The following TMEM70 variants were observed in gnomAD, a reference collection of about 807,000 sequenced individuals.
TMEM70 encodes the protein transmembrane protein 70, mitochondrial.
A neutral mutation model predicts 20.5 loss-of-function variants in TMEM70; 15 were observed. The observed-to-expected ratio is 0.73, with a 90% CI of 0.49 to 1.13. The LOEUF is 1.13. Among genes scored for constraint, TMEM70 ranks in the 50% most tolerant of loss-of-function variants. The pLI, the probability that TMEM70 is intolerant of heterozygous loss-of-function variation, is 0.00. For synonymous variants in TMEM70, 141 were observed against 134.2 expected, an observed-to-expected ratio of 1.05 and a Z score of -0.35; for missense variants, 344 against 331.7, an observed-to-expected ratio of 1.04 and a Z score of -0.29.
chr8:73,978,925 T>C (rs1382744364), intron 2 of TMEM70, 64 bp downstream of exon 2: 9 of 1,573,498 alleles, frequency 5.7e-6, no homozygotes, highest in Non-Finnish European at 7.8e-6. Flanking sequence ...AAAATATCCT[T>C]ACCATATCTT....
In TMEM70 at chr8:73,981,056, G is replaced by A. The variant is rs1815779868; in HGVS notation, c.317-99G>A. On this transcript the variant is annotated intron_variant, in intron 2 of 2. Transcript: ENST00000312184. ...TTATGGTTTGATTTTGTTGTCTTGA[G>A]CTGATACAGTAAGAAGAAAAATGGA... is the stretch of plus-strand genomic sequence containing the variant. 6 of 986,636 alleles carry A rather than the reference G, an allele frequency of 6.1e-6. No homozygotes were observed. In the South Asian group the frequency reaches 8.3e-5, roughly 14 times the overall value. 61.1% of individuals were successfully genotyped at this position (986,636 alleles called of 1,614,324 possible).
chr8:73,976,732 G>A (rs1815660243), intron 1 of TMEM70, among the ~76,000 whole-genome samples: 1 of 152,252 alleles, frequency 6.6e-6, no homozygotes, highest in Admixed American at 6.5e-5. Flanking sequence ...AAATCCAGAG[G>A]GTTTGTGGTG....
In TMEM70 at chr8:73,981,179, C is replaced by T. The variant is rs760669698; in HGVS notation, c.341C>T (p.Thr114Met). 38 of 1,613,850 alleles carry T rather than the reference C, an allele frequency of 2.4e-5. No individual in the cohort carries two copies. In the Admixed American group the frequency reaches 4.0e-4, roughly 17 times the overall value. The change falls in exon 3 of 3, where the codon ACG (threonine) becomes ATG (methionine). Residue 114 changes from threonine (T) to methionine (M), a missense_variant. Thr to Met is a moderately conservative substitution (Grantham distance 81). Transcript: ENST00000312184. ...GGTGTGAAATGTTTCTCTTATTCTA[C>T]GAGTCTGATTGGCCTTACATTTCTG... ...VFGVKCFSYS[T>M]SLIGLTFLPY...
chr8:73,976,434 C>T lies in TMEM70; in HGVS notation c.153C>T (p.Gly51=), dbSNP rs562374948. ...SSSGPSGPVA[G]WSTGPSGAAR... is the part of the protein sequence containing the mutation. Reference sequence around the variant, plus strand: ...GCGGGCCTTCGGGGCCGGTAGCCGGCTGGAGTACGGGGCCTTCGGGAGCCG... The same window carrying T: ...GCGGGCCTTCGGGGCCGGTAGCCGGTTGGAGTACGGGGCCTTCGGGAGCCG... The change falls in exon 1 of 3, where the codon GGC becomes GGT. Residue 51 remains glycine, a synonymous_variant. Coordinates refer to ENST00000312184, the MANE Select transcript of TMEM70 (RefSeq NM_017866.6). 5.1e-6 allele frequency: 8 copies of T among 1,572,214 alleles called. No individual in the cohort carries two copies. The East Asian group carries it at 6.9e-5, about 14-fold the overall frequency.
At chr8:73,979,157 CT>C in intron 2 of TMEM70, 1 of 485,012 alleles carries the variant, frequency 2.1e-6, no homozygotes, top group South Asian at 1.6e-5. Flanking sequence ...GCTCAGCCTC[CT>C]GCTGGGATTA....
At position 73,976,224 on chromosome 8, in the gene TMEM70, G is replaced by A. The variant is rs1815636999; in HGVS notation, c.-58G>A. 1.3e-6 allele frequency: 2 copies of A among 1,494,200 alleles called. No homozygotes were observed. Among genetic ancestry groups the A allele is most frequent in the African/African-American group, 1.4e-5 (1 of 72,782 alleles). 92.6% of individuals were successfully genotyped at this position (1,494,200 alleles called of 1,614,324 possible). ...GTGCGGCAGTCGGGTGGGAAGCCGTGTCTCGCAGTCGTGGACTCGTGCAGC... is the reference window on the plus strand; with the variant it reads ...GTGCGGCAGTCGGGTGGGAAGCCGTATCTCGCAGTCGTGGACTCGTGCAGC... On this transcript the variant is annotated 5_prime_UTR_variant, in exon 1 of 3. Coordinates refer to ENST00000312184, the MANE Select transcript of TMEM70 (RefSeq NM_017866.6).
At position 73,981,919 on chromosome 8, in the gene TMEM70, G is replaced by C. The variant is rs985546601; in HGVS notation, c.*298G>C. ...GGGGATCTGATGTCAGTAGCAAATG[G>C]GAGAGTTGCTTTATTCTTTGTGTAT... On this transcript the variant is annotated 3_prime_UTR_variant, in exon 3 of 3. Coordinates refer to ENST00000312184, the MANE Select transcript of TMEM70 (RefSeq NM_017866.6). 1 of 530,494 alleles carries C rather than the reference G, an allele frequency of 1.9e-6. No homozygotes were observed. 32.9% of individuals were successfully genotyped at this position (530,494 alleles called of 1,614,324 possible).
At chr8:73,979,770 C>T (rs1452300799) in intron 2 of TMEM70, among the ~76,000 whole-genome samples, 1 of 151,826 alleles carries the variant, frequency 6.6e-6, no homozygotes, top group African/African-American at 2.4e-5. Context: ...CTACACCTGG[C>T]TGATTTTTTT....
intron 1 of TMEM70, 59 bp downstream of exon 1, chr8:73,976,550 G>A (rs1248537601): frequency 7.0e-7 from 1 of 1,419,940 alleles, no homozygotes; most frequent in Non-Finnish European, 9.3e-7. Flanking sequence ...GTCGTGTCGG[G>A]CCTGGGGAGC....
intron 2 of TMEM70, among the ~76,000 whole-genome samples, chr8:73,980,678 T>G (rs954070315): frequency 3.9e-5 from 6 of 152,190 alleles, no homozygotes; most frequent in Admixed American, 1.3e-4. Context: ...GTCCGATATG[T>G]TTTTTAACCA....
chr8:73,978,949 G>A (rs561733774), intron 2 of TMEM70, 88 bp downstream of exon 2: 22 of 1,497,676 alleles, frequency 1.5e-5, no homozygotes, highest in African/African-American at 8.4e-5. Context: ...TGTTGTTATG[G>A]CATCCCTTAA....
rs928358741 is a variant in TMEM70 at position 73,976,502 on chromosome 8, C to G, written c.210+11C>G. The stretch of plus-strand genomic sequence containing the variant: ...CCGGGTCGAGCGCAGGTAGGGCGTC[C>G]GAGGTCTGGTGTCCCAAGTGAGGCG... On this transcript the variant is annotated intron_variant, in intron 1 of 2. Transcript: ENST00000312184. 8.6e-6 allele frequency: 13 copies of G among 1,514,520 alleles called. No individual in the cohort carries two copies. Among genetic ancestry groups the G allele is most frequent in the Non-Finnish European group, 1.1e-5 (13 of 1,136,244 alleles). 93.8% of individuals were successfully genotyped at this position (1,514,520 alleles called of 1,614,324 possible). A position where few individuals can be genotyped will look rare whatever the true frequency, so the allele number is the denominator to read the frequency against.
Position 73,976,443 on chromosome 8 carries a change from G to A in TMEM70, c.162G>A (p.Thr54=). 1 of 1,561,546 alleles carries A rather than the reference G, an allele frequency of 6.4e-7. No homozygotes were observed. The highest frequency in any genetic ancestry group is 2.3e-5 in the East Asian group (1 of 42,948). The stretch of plus-strand genomic sequence containing the variant: ...CGGGGCCGGTAGCCGGCTGGAGTAC[G>A]GGGCCTTCGGGAGCCGCGCGCCTTC... ...GPSGPVAGWS[T]GPSGAARLLR... is the part of the protein sequence containing the mutation. The change falls in exon 1 of 3, where the codon ACG becomes ACA. Residue 54 remains threonine, a synonymous_variant. Transcript: ENST00000312184.
In TMEM70 at chr8:73,982,577, T is replaced by C. The variant is rs978510622; in HGVS notation, c.*956T>C. On this transcript the variant is annotated 3_prime_UTR_variant, in exon 3 of 3. Coordinates refer to ENST00000312184, the MANE Select transcript of TMEM70 (RefSeq NM_017866.6). ...TTATGGGAGCAGTTTTAAGTCTTCT[T>C]TGGTTCAGAACACAGGTTTTTGCCT... 1.0e-5 allele frequency: 5 copies of C among 493,720 alleles called. No individual in the cohort carries two copies. The highest frequency in any genetic ancestry group is 2.3e-5 in the Admixed American group (1 of 44,142). 30.6% of individuals were successfully genotyped at this position (493,720 alleles called of 1,614,324 possible).
Position 73,981,458 on chromosome 8 carries a change from A to G in TMEM70, c.620A>G (p.His207Arg), listed in dbSNP as rs1241148214. 2 of 1,614,196 alleles carry G rather than the reference A, an allele frequency of 1.2e-6. No homozygotes were observed. The highest frequency in any genetic ancestry group is 1.7e-6 in the Non-Finnish European group (2 of 1,180,030). Residue 207 changes from histidine (H) to arginine (R), a missense_variant, in exon 3 of 3, where the codon CAT (histidine) becomes CGT (arginine). Transcript: ENST00000312184. ...GATGTGAAGATTCCAGATGCTAAAC[A>G]TGTATTTACCACATTTTATGCTAAA... ...QNDVKIPDAKHVFTTFYAKTK... is the reference protein window; with the variant it reads ...QNDVKIPDAKRVFTTFYAKTK...
At chr8:73,978,986 T>C in intron 2 of TMEM70, 125 bp downstream of exon 2, 1 of 1,262,636 alleles carries the variant, frequency 7.9e-7, no homozygotes. Flanking sequence ...AAATTAGATT[T>C]TCATTTTTTT....
chr8:73,981,795 C>T lies in TMEM70; in HGVS notation c.*174C>T, dbSNP rs1815810173. On this transcript the variant is annotated 3_prime_UTR_variant, in exon 3 of 3. Coordinates refer to ENST00000312184, the MANE Select transcript of TMEM70 (RefSeq NM_017866.6). ...AATAAAACAAGCTATGTTTGAAAAC[C>T]AAAATGTAGTATCTACCATTCGTGT... 1 of 701,446 alleles carries T rather than the reference C, an allele frequency of 1.4e-6. No individual in the cohort carries two copies. Among genetic ancestry groups the T allele is most frequent in the African/African-American group, 1.8e-5 (1 of 56,972 alleles). The allele number at this position is 701,446 out of a possible 1,614,324, so 43.5% of individuals were successfully genotyped here.
In TMEM70 at chr8:73,981,296, T is replaced by C. The variant is rs1815789680; in HGVS notation, c.458T>C (p.Val153Ala). 2 of 1,614,208 alleles carry C rather than the reference T, an allele frequency of 1.2e-6. No individual in the cohort carries two copies. Among genetic ancestry groups the C allele is most frequent in the African/African-American group, 1.3e-5 (1 of 75,052 alleles). ...IFYGIMGSFT[V>A]ITPVLLHFIT... ...TATGGCATCATGGGAAGCTTTACGG[T>C]GATCACCCCAGTGCTGCTTCACTTT... Residue 153 changes from valine (V) to alanine (A), a missense_variant, in exon 3 of 3, where the codon GTG (valine) becomes GCG (alanine). By Grantham distance (64) the Val-to-Ala change is moderately conservative (BLOSUM62 0). Transcript: ENST00000312184.
At position 73,976,414 on chromosome 8, in the gene TMEM70, C is replaced by T. The variant is rs1286173254; in HGVS notation, c.133C>T (p.Pro45Ser). Residue 45 changes from proline (P) to serine (S), a missense_variant, in exon 1 of 3, where the codon CCT becomes TCT. Transcript: ENST00000312184. ...CTCCCGGGCGTCCTCCAGCAGCGGGCCTTCGGGGCCGGTAGCCGGCTGGAG... is the reference window on the plus strand; with the variant it reads ...CTCCCGGGCGTCCTCCAGCAGCGGGTCTTCGGGGCCGGTAGCCGGCTGGAG... Reference protein sequence around the residue: ...SVSRASSSSGPSGPVAGWSTG... With the variant: ...SVSRASSSSGSSGPVAGWSTG... The T allele has an allele frequency of 6.3e-7, 1 of 1,579,928 alleles. No individual in the cohort carries two copies. Among genetic ancestry groups the T allele is most frequent in the Admixed American group, 1.8e-5 (1 of 56,384 alleles).
Sources: allele counts gnomAD v4.1 joint callset (sites outside exome capture counted in the v4.1 genomes callset), GRCh38; gene constraint gnomAD v4.1.1; transcripts MANE v1.5; gene names NCBI Gene and HGNC (gene_info 2026-07-23, HGNC 2026-07-21).